SPACA1: variants seen among roughly 807,000 people sequenced by gnomAD.
The protein encoded by SPACA1 is sperm acrosome associated 1.
Under a neutral mutation model 32.6 loss-of-function variants are expected in SPACA1, and 17 were observed. The ratio of observed to expected loss-of-function variants is 0.52; its 90% CI spans 0.36 to 0.78. The LOEUF (loss-of-function observed/expected upper bound fraction) is 0.78. SPACA1 is among the 30% of genes least tolerant of loss of function. SPACA1 has a pLI of 0.01. For synonymous variants in SPACA1, 140 were observed against 138.1 expected (o/e 1.01, Z -0.10); for missense variants, 363 against 373.4 (o/e 0.97, Z 0.23).
At chr6:88,050,589 C>T (rs1183619032) in intron 1 of SPACA1, among the ~76,000 whole-genome samples, 1 of 152,160 alleles carries the variant, frequency 6.6e-6, no homozygotes, top group Non-Finnish European at 1.5e-5. Context: ...AAATAGACTA[C>T]AAGGAGGATA....
Position 88,058,673 on chromosome 6 carries a change from T to C in SPACA1, c.368-43T>C, listed in dbSNP as rs202239522. 232 of 1,411,684 alleles carry C rather than the reference T, an allele frequency of 1.6e-4. No individual in the cohort carries two copies. In the African/African-American group the frequency reaches 2.4e-3, roughly 14 times the overall value. 87.4% of individuals were successfully genotyped at this position (1,411,684 alleles called of 1,614,324 possible). A position where few individuals can be genotyped will look rare whatever the true frequency, so the allele number is the denominator to read the frequency against. ...AAAAGTAATTTCGTGTATAAAGCAATTTATAATGCCCAATGGTATTTATGT... is the reference window on the plus strand; with the variant it reads ...AAAAGTAATTTCGTGTATAAAGCAACTTATAATGCCCAATGGTATTTATGT... On this transcript the variant is annotated intron_variant, in intron 3 of 6. Transcript: ENST00000237201.
intron 1 of SPACA1, 107 bp from the exon 2 acceptor site, chr6:88,053,839 G>A: frequency 1.2e-6 from 1 of 806,594 alleles, no homozygotes; most frequent in Non-Finnish European, 1.9e-6. Flanking sequence ...CTTAAAAAAT[G>A]TCTGCTGCCC....
intron 6 of SPACA1, 134 bp from the exon 7 acceptor site, chr6:88,066,048 C>CATAT: frequency 1.8e-6 from 1 of 571,008 alleles, no homozygotes; most frequent in East Asian, 3.1e-5. Context: ...ATATTTGTAC[C>CATAT]ATATATAATA....
intron 5 of SPACA1, among the ~76,000 whole-genome samples, chr6:88,060,137 A>T (rs377348284): frequency 3.2e-4 from 48 of 152,316 alleles, no homozygotes; most frequent in African/African-American, 1.2e-3. Context: ...CAAAATGCAA[A>T]TGTTGTCCTG....
At chr6:88,055,851 G>T (rs1351917721) in intron 2 of SPACA1, among the ~76,000 whole-genome samples, 1 of 152,028 alleles carries the variant, frequency 6.6e-6, no homozygotes, top group African/African-American at 2.4e-5. Flanking sequence ...CATACCTGTA[G>T]TCCCAGCTAC....
At chr6:88,058,578 G>T (rs1775844068) in intron 3 of SPACA1, 138 bp from the exon 4 acceptor site, 1 of 580,786 alleles carries the variant, frequency 1.7e-6, no homozygotes, top group Admixed American at 3.2e-5. Context: ...GGCAGAGATT[G>T]CAGTGAGCCA....
chr6:88,047,523 G>T (rs6938435), upstream of SPACA1, among the ~76,000 whole-genome samples: 3,599 of 152,282 alleles, frequency 0.024, 129 homozygotes, highest in African/African-American at 0.081. Flanking sequence ...AGCAGGCAGG[G>T]TGAGCGAGGA....
intron 2 of SPACA1, among the ~76,000 whole-genome samples, chr6:88,055,330 CA>C (rs1341340624): frequency 1.3e-5 from 2 of 151,976 alleles, no homozygotes; most frequent in African/African-American, 4.8e-5. Context: ...TATGAGCAGA[CA>C]AAGCAGACAA....
At chr6:88,065,420 T>C (rs1775967669) in intron 6 of SPACA1, among the ~76,000 whole-genome samples, 1 of 147,976 alleles carries the variant, frequency 6.8e-6, no homozygotes, top group Admixed American at 6.8e-5. Context: ...ATATACTATA[T>C]TTACATATAT....
intron 5 of SPACA1, among the ~76,000 whole-genome samples, chr6:88,060,486 C>T (rs1035944768): frequency 2.0e-5 from 3 of 152,074 alleles, no homozygotes; most frequent in East Asian, 1.9e-4. Context: ...TTAAAGATAC[C>T]GCACAACGTA....
intron 3 of SPACA1, among the ~76,000 whole-genome samples, chr6:88,058,185 C>T (rs1161343302): frequency 6.6e-6 from 1 of 152,172 alleles, no homozygotes. Flanking sequence ...ATCAGTAGGT[C>T]AATTACAACT....
chr6:88,055,696 C>T (rs144821906), intron 2 of SPACA1, among the ~76,000 whole-genome samples: 3 of 152,332 alleles, frequency 2.0e-5, no homozygotes, highest in African/African-American at 7.2e-5. Context: ...TTAAGCCGGG[C>T]GCGGTGGCTC....
In SPACA1 at chr6:88,064,155, C is replaced by CT; in HGVS notation, c.668dup (p.Thr224AspfsTer36). Reference sequence around the variant, plus strand: ...CACTGATGCAGCCCTAATTTTTGTGCTGACCATAGGAGTCATTATCTGTGT... The same window carrying CT: ...CACTGATGCAGCCCTAATTTTTGTGCTTGACCATAGGAGTCATTATCTGTGT... On this transcript the variant is annotated frameshift_variant, in exon 6 of 7. Transcript: ENST00000237201. LOFTEE classifies it high-confidence loss of function. 6.2e-7 allele frequency: 1 copy of CT among 1,613,182 alleles called. No homozygotes were observed. The highest frequency in any genetic ancestry group is 8.5e-7 in the Non-Finnish European group (1 of 1,179,454).
chr6:88,050,011 T>G (rs1462692602), intron 1 of SPACA1, among the ~76,000 whole-genome samples: 1 of 152,234 alleles, frequency 6.6e-6, no homozygotes, highest in Non-Finnish European at 1.5e-5. Context: ...GAAAATATTT[T>G]CATCTTTAGA....
At position 88,053,930 on chromosome 6, in the gene SPACA1, T is replaced by C; in HGVS notation, c.209-16T>C. 6.2e-7 allele frequency: 1 copy of C among 1,609,722 alleles called. No individual in the cohort carries two copies. The highest frequency in any genetic ancestry group is 8.5e-7 in the Non-Finnish European group (1 of 1,176,534). ...TTCATATAATTAAATAATGTATCTT[T>C]ACCCTTTATGTTTAGTTTCAAATAG... On this transcript the variant is annotated splice_polypyrimidine_tract_variant and intron_variant, in intron 1 of 6. Coordinates refer to ENST00000237201, the MANE Select transcript of SPACA1 (RefSeq NM_030960.3).
intron 2 of SPACA1, 40 bp from the exon 3 acceptor site, chr6:88,057,572 T>C: frequency 2.7e-6 from 4 of 1,463,422 alleles, no homozygotes; most frequent in Non-Finnish European, 3.8e-6. Context: ...TGGAATCAGT[T>C]TTTTTCTTAA....
intron 5 of SPACA1, among the ~76,000 whole-genome samples, chr6:88,061,918 TAATA>T (rs1231577413): frequency 1.3e-5 from 2 of 152,166 alleles, no homozygotes; most frequent in East Asian, 1.9e-4. Flanking sequence ...ACTACTGTTG[TAATA>T]AATAAAATCT....
intron 5 of SPACA1, among the ~76,000 whole-genome samples, chr6:88,061,432 G>GCGCA (rs1414361022): frequency 6.7e-6 from 1 of 150,038 alleles, no homozygotes; most frequent in African/African-American, 2.5e-5. Flanking sequence ...ATGCTTGTGC[G>GCGCA]CACACACACA....
intron 1 of SPACA1, among the ~76,000 whole-genome samples, chr6:88,048,341 C>T (rs2127797045): frequency 6.6e-6 from 1 of 152,286 alleles, no homozygotes; most frequent in South Asian, 2.1e-4. Flanking sequence ...ATAGAAATTG[C>T]TATAGAAACA....
Sources: allele counts gnomAD v4.1 joint callset (sites outside exome capture counted in the v4.1 genomes callset), GRCh38; gene constraint gnomAD v4.1.1; transcripts MANE v1.5; gene names NCBI Gene and HGNC (gene_info 2026-07-23, HGNC 2026-07-21).